MAP2: variants seen among roughly 807,000 people sequenced by gnomAD.
The protein encoded by MAP2 is microtubule associated protein 2.
In MAP2, 14 loss-of-function variants were observed where a neutral mutation model predicts 137.6. That is an observed-to-expected ratio of 0.10 (90% CI 0.07 to 0.16). MAP2 has a LOEUF of 0.16. Ranked by LOEUF, MAP2 falls within the 10% of genes least tolerant of loss-of-function variation. The pLI is 1.00. For synonymous variants in MAP2, 786 were observed against 782.3 expected, an observed-to-expected ratio of 1.00 and a Z score of -0.08; for missense variants, 2,088 against 2,191.5, an observed-to-expected ratio of 0.95 and a Z score of 0.94.
chr2:209,609,433 T>A (rs951279901), intron 3 of MAP2, among the ~76,000 whole-genome samples: 1 of 152,102 alleles, frequency 6.6e-6, no homozygotes, highest in Non-Finnish European at 1.5e-5. Context: ...TGCAAGCATA[T>A]CCATTATCTA....
chr2:209,685,948 A>T (rs2056861107), intron 7 of MAP2, among the ~76,000 whole-genome samples: 1 of 152,206 alleles, frequency 6.6e-6, no homozygotes, highest in South Asian at 2.1e-4. Context: ...ATAAATGTTG[A>T]AAAGCAGAGA....
intron 1 of MAP2, among the ~76,000 whole-genome samples, chr2:209,469,526 G>A (rs1705116482): frequency 6.6e-6 from 1 of 151,996 alleles, no homozygotes; most frequent in Non-Finnish European, 1.5e-5. Flanking sequence ...TGATTAATGG[G>A]CTCTATCTTC....
intron 2 of MAP2, among the ~76,000 whole-genome samples, chr2:209,578,539 T>G (rs976804081): frequency 6.6e-6 from 1 of 152,108 alleles, no homozygotes; most frequent in Non-Finnish European, 1.5e-5. Flanking sequence ...ACCATGGTGA[T>G]GCTTCTTCCC....
intron 3 of MAP2, among the ~76,000 whole-genome samples, chr2:209,591,375 C>T (rs2079193692): frequency 6.6e-6 from 1 of 152,184 alleles, no homozygotes; most frequent in Non-Finnish European, 1.5e-5. Flanking sequence ...AGAGAGTTAT[C>T]TGGCTCACAA....
rs1418762566 is a variant in MAP2, at chr2:209,695,630, A to G, written c.3460A>G (p.Thr1154Ala). Residue 1154 changes from threonine to alanine, a missense_variant, in exon 8 of 16, where the codon ACA becomes GCA. Around this residue, in one of 6 missense-constraint regions of MAP2, gnomAD observed 591 missense variants for 642.6 expected, o/e 0.92. Transcript: ENST00000682079. The part of the protein sequence containing the change: ...SLKADEGKKE[T>A]SPESSLIQDE... ...GAAAGCTGATGAGGGCAAGAAGGAA[A>G]CATCTCCAGAATCATCTCTAATTCA... is the stretch of plus-strand genomic sequence containing the variant. 1.2e-6 allele frequency: 2 copies of G among 1,613,972 alleles called. No individual in the cohort carries two copies.
At chr2:209,603,252 TAA>T (rs567877812) in intron 3 of MAP2, among the ~76,000 whole-genome samples, 5 of 152,114 alleles carry the variant, frequency 3.3e-5, no homozygotes, top group Non-Finnish European at 7.4e-5. Flanking sequence ...CTGTGGAATC[TAA>T]AAAAATATGT....
intron 2 of MAP2, among the ~76,000 whole-genome samples, chr2:209,514,161 T>TATG (rs2062123100): frequency 6.6e-6 from 1 of 151,820 alleles, no homozygotes; most frequent in Non-Finnish European, 1.5e-5. Context: ...AATCTAATCA[T>TATG]TAGAATCCTG....
At chr2:209,700,745 C>T (rs2061543934) in intron 11 of MAP2, among the ~76,000 whole-genome samples, 1 of 151,956 alleles carries the variant, frequency 6.6e-6, no homozygotes, top group South Asian at 2.1e-4. Context: ...TGCACACAAG[C>T]AGAAAGAAGT....
In MAP2 at chr2:209,731,401, C is replaced by T; in HGVS notation, c.*1004C>T. The T allele has an allele frequency of 6.6e-6, 1 of 152,436 alleles. No individual in the cohort carries two copies. The highest frequency in any genetic ancestry group is 1.5e-5 in the Non-Finnish European group (1 of 68,018). The allele number at this position is 152,436 out of a possible 1,614,324, so 9.4% of individuals were successfully genotyped here. ...TCTGTAACAACTCAAAGCCGTAACC[C>T]TGTTTTAGTGCCAGATACAAGTCTC... On this transcript the variant is annotated 3_prime_UTR_variant, in exon 16 of 16. Transcript: ENST00000682079.
chr2:209,724,429 C>T (rs1381633509), intron 13 of MAP2, among the ~76,000 whole-genome samples: 1 of 152,156 alleles, frequency 6.6e-6, no homozygotes, highest in Non-Finnish European at 1.5e-5. Context: ...GGTGATCAGG[C>T]TAACTGTATT....
At chr2:209,624,929 C>T (rs2092003019) in intron 3 of MAP2, 124 bp from the exon 4 acceptor site, 1 of 152,110 alleles carries the variant, frequency 6.6e-6, no homozygotes, top group African/African-American at 2.4e-5. Context: ...TGATGATATC[C>T]ATCTCATAGT....
rs1263451863 is a variant in MAP2 at position 209,424,232 on chromosome 2, G to A, written c.-266G>A. 1 of 152,234 alleles carries A rather than the reference G, an allele frequency of 6.6e-6. No individual in the cohort carries two copies. Among genetic ancestry groups the A allele is most frequent in the Non-Finnish European group, 1.5e-5 (1 of 68,228 alleles). The allele number at this position is 152,234 out of a possible 1,614,324, so 9.4% of individuals were successfully genotyped here. A position where few individuals can be genotyped will look rare whatever the true frequency, so the allele number is the denominator to read the frequency against. ...TCTCCGGAGGGCGCTAAGTCCGTGA[G>A]CGGTGGCAGTCGCGACCGCGGGTGC... is the stretch of plus-strand genomic sequence containing the variant. On this transcript the variant is annotated 5_prime_UTR_variant, in exon 1 of 16. Coordinates refer to ENST00000682079, the MANE Select transcript of MAP2 (RefSeq NM_001375505.1).
chr2:209,534,757 C>T (rs922732871), intron 2 of MAP2, among the ~76,000 whole-genome samples: 8 of 152,084 alleles, frequency 5.3e-5, no homozygotes, highest in Non-Finnish European at 1.2e-4. Flanking sequence ...CAAAATTTAA[C>T]TGAATCACTG....
At chr2:209,637,701 A>G (rs989372042) in intron 4 of MAP2, among the ~76,000 whole-genome samples, 1 of 152,028 alleles carries the variant, frequency 6.6e-6, no homozygotes, top group Non-Finnish European at 1.5e-5. Flanking sequence ...TAAAATTGCT[A>G]TCCTTTGTTA....
At chr2:209,544,789 A>T (rs886994752) in intron 2 of MAP2, among the ~76,000 whole-genome samples, 2 of 152,014 alleles carry the variant, frequency 1.3e-5, no homozygotes, top group African/African-American at 4.8e-5. Flanking sequence ...ATCTGTAAGT[A>T]GTCAGCATTG....
Position 209,695,700 on chromosome 2 carries a change from C to G in MAP2, c.3530C>G (p.Pro1177Arg). Residue 1177 changes from proline (P) to arginine (R), a missense_variant, in exon 8 of 16, where the codon CCT (proline) becomes CGT (arginine). By Grantham distance (103) the Pro-to-Arg change is moderately radical. Coordinates refer to ENST00000682079, the MANE Select transcript of MAP2 (RefSeq NM_001375505.1). ...VKLSVEIPCPPAVSEADLATD... is the reference protein window; with the variant it reads ...VKLSVEIPCPRAVSEADLATD... ...TTGTCAGTGGAAATACCTTGCCCAC[C>G]TGCTGTTTCAGAGGCTGATTTAGCC... is the stretch of plus-strand genomic sequence containing the variant. 1 of 1,614,062 alleles carries G rather than the reference C, an allele frequency of 6.2e-7. No individual in the cohort carries two copies. Among genetic ancestry groups the G allele is most frequent in the East Asian group, 2.2e-5 (1 of 44,858 alleles).
chr2:209,620,494 G>A (rs1032394522), intron 3 of MAP2, among the ~76,000 whole-genome samples: 2 of 152,144 alleles, frequency 1.3e-5, no homozygotes, highest in Non-Finnish European at 2.9e-5. Flanking sequence ...TTTGACAAAA[G>A]CTCCAAGAAA....
chr2:209,458,350 T>C (rs1702019758), intron 1 of MAP2, among the ~76,000 whole-genome samples: 1 of 152,166 alleles, frequency 6.6e-6, no homozygotes. Context: ...TATGAGTGGA[T>C]GCATTCCAAC....
chr2:209,528,846 ATGTG>A (rs543917768), intron 2 of MAP2, among the ~76,000 whole-genome samples: 1 of 146,196 alleles, frequency 6.8e-6, no homozygotes, highest in East Asian at 2.0e-4. Context: ...ATGTATATAT[ATGTG>A]TGTGTGTATA....
Sources: allele counts gnomAD v4.1 joint callset (sites outside exome capture counted in the v4.1 genomes callset), GRCh38; gene constraint gnomAD v4.1.1; regional missense constraint gnomAD v4.1.1; transcripts MANE v1.5; gene names NCBI Gene and HGNC (gene_info 2026-07-23, HGNC 2026-07-21).